Variants in PRRG2 observed in about 807,000 individuals in gnomAD.
PRRG2 encodes the protein proline rich and Gla domain 2, also known as transmembrane gamma-carboxyglutamic acid protein 2.
PRRG2 carries 23 observed loss-of-function variants against 27.1 expected under a neutral mutation model. That is an observed-to-expected ratio of 0.85 (90% CI 0.61 to 1.20). PRRG2 has a LOEUF of 1.20. PRRG2 is among the 50% of genes most tolerant of loss of function. The pLI is 0.00. For missense variants in PRRG2, 276 were observed against 254.8 expected, an observed-to-expected ratio of 1.08 and a Z score of -0.57; for synonymous variants, 104 against 103.4, an observed-to-expected ratio of 1.01 and a Z score of -0.03.
At chr19:49,584,208 T>G (rs564274514) in intron 4 of PRRG2, among the ~76,000 whole-genome samples, 118 of 151,598 alleles carry the variant, frequency 7.8e-4, no homozygotes, top group African/African-American at 2.8e-3. Context: ...TCTCGCTCTG[T>G]TGCCCAGGCC....
chr19:49,586,028 C>T (rs2080666203), intron 4 of PRRG2, among the ~76,000 whole-genome samples: 1 of 128,768 alleles, frequency 7.8e-6, no homozygotes, highest in Non-Finnish European at 1.6e-5. Flanking sequence ...TGCAGTGAGC[C>T]AAGATCACAC....
Position 49,590,628 on chromosome 19 carries a change from C to G in PRRG2, c.*239C>G. On this transcript the variant is annotated 3_prime_UTR_variant, in exon 7 of 7. Transcript: ENST00000246794. ...TCACGGGCCCCCACACTCTCCTGACCGTGAGGGCACTGGTCAGTTCCGCCC... is the reference window on the plus strand; with the variant it reads ...TCACGGGCCCCCACACTCTCCTGACGGTGAGGGCACTGGTCAGTTCCGCCC... The G allele has an allele frequency of 5.1e-6, 3 of 590,802 alleles. No individual in the cohort carries two copies. Among genetic ancestry groups the G allele is most frequent in the Non-Finnish European group, 8.9e-6 (3 of 336,910 alleles). 36.6% of individuals were successfully genotyped at this position (590,802 alleles called of 1,614,324 possible). A position where few individuals can be genotyped will look rare whatever the true frequency, so the allele number is the denominator to read the frequency against.
In PRRG2 at chr19:49,581,652, C is replaced by T. The variant is rs1346822689; in HGVS notation, c.-14+171C>T. ...ACTAATCCCCTGCCTCTGCCTCTCTCGTAATCTTTGTTGTCTGTGGGTGGA... is the reference window on the plus strand; with the variant it reads ...ACTAATCCCCTGCCTCTGCCTCTCTTGTAATCTTTGTTGTCTGTGGGTGGA... On this transcript the variant is annotated intron_variant, in intron 1 of 6. Transcript: ENST00000246794. 2.0e-5 allele frequency among the ~76,000 whole-genome samples: 3 copies of T among 152,060 alleles called. No individual in the cohort carries two copies. The East Asian group carries it at 5.8e-4, about 29-fold the overall frequency.
Position 49,583,964 on chromosome 19 carries a change from GC to G in PRRG2, c.301+13del. Reference sequence around the variant, plus strand: ...CAATGGCAAAGGAGGTGAGTGAGGGGCTGAAGCCATCTTGTTCTGTGCAGCT... The same window carrying G: ...CAATGGCAAAGGAGGTGAGTGAGGGGTGAAGCCATCTTGTTCTGTGCAGCT... On this transcript the variant is annotated intron_variant, in intron 4 of 6. Coordinates refer to ENST00000246794, the MANE Select transcript of PRRG2 (RefSeq NM_000951.3). The G allele has an allele frequency of 6.2e-7, 1 of 1,611,886 alleles. No homozygotes were observed. Among genetic ancestry groups the G allele is most frequent in the Non-Finnish European group, 8.5e-7 (1 of 1,178,684 alleles).
Position 49,590,063 on chromosome 19 carries a change from TGGCTTCTGCCCGGGGGCGG to T in PRRG2, c.590+15_590+33del. 2 of 1,462,326 alleles carry T rather than the reference TGGCTTCTGCCCGGGGGCGG, an allele frequency of 1.4e-6. No homozygotes were observed. The highest frequency in any genetic ancestry group is 2.6e-5 in the South Asian group (2 of 76,680). The allele number at this position is 1,462,326 out of a possible 1,614,324, so 90.6% of individuals were successfully genotyped here. A position where few individuals can be genotyped will look rare whatever the true frequency, so the allele number is the denominator to read the frequency against. On this transcript the variant is annotated intron_variant, in intron 6 of 6. Transcript: ENST00000246794. ...ACCCCCCTACACCAGGTATGGGGCGTGGCTTCTGCCCGGGGGCGGGGCGCAGAGGGGTGGGCACGTTGGA... is the reference window on the plus strand; with the variant it reads ...ACCCCCCTACACCAGGTATGGGGCGTGGCGCAGAGGGGTGGGCACGTTGGA...
intron 5 of PRRG2, 104 bp downstream of exon 5, chr19:49,588,736 T>C: frequency 1.5e-6 from 2 of 1,349,194 alleles, no homozygotes; most frequent in South Asian, 1.6e-5. Context: ...CAGGCACTGA[T>C]GAAAGACCTA....
At chr19:49,585,152 C>T (rs903945760) in intron 4 of PRRG2, among the ~76,000 whole-genome samples, 1 of 152,206 alleles carries the variant, frequency 6.6e-6, no homozygotes, top group African/African-American at 2.4e-5. Context: ...TCCCCTCCCC[C>T]ACAGCCCCAT....
In PRRG2 at chr19:49,590,446, C is replaced by T. The variant is rs564264244; in HGVS notation, c.*57C>T. On this transcript the variant is annotated 3_prime_UTR_variant, in exon 7 of 7. Transcript: ENST00000246794. Reference sequence around the variant, plus strand: ...CGTGCCCCTGATTCATACCGGATTCCGGAAGCCGCTAGGCCTCATAGACGC... The same window carrying T: ...CGTGCCCCTGATTCATACCGGATTCTGGAAGCCGCTAGGCCTCATAGACGC... The T allele has an allele frequency of 1.6e-5, 26 of 1,611,506 alleles. No individual in the cohort carries two copies. The East Asian group carries it at 4.7e-4, about 29-fold the overall frequency.
rs1338764503 is a variant in PRRG2 at position 49,583,269 on chromosome 19, G to C, written c.50G>C (p.Cys17Ser). 6.2e-7 allele frequency: 1 copy of C among 1,614,190 alleles called. No individual in the cohort carries two copies. Among genetic ancestry groups the C allele is most frequent in the Admixed American group, 1.7e-5 (1 of 60,020 alleles). ...CTGCTATATATGGCATTAACCACCT[G>C]CCTGGATACTTCACCCAGTGAGGAG... ...LLLLYMALTTCLDTSPSEETD... is the reference protein window; with the variant it reads ...LLLLYMALTTSLDTSPSEETD... Residue 17 changes from cysteine to serine, a missense_variant, in exon 2 of 7, where the codon TGC (cysteine) becomes TCC (serine). Transcript: ENST00000246794.
chr19:49,589,426 CTTTT>C (rs398059803), intron 5 of PRRG2, among the ~76,000 whole-genome samples: 34 of 132,354 alleles, frequency 2.6e-4, no homozygotes, highest in Middle Eastern at 3.8e-3. Context: ...ACGCCTGGCC[CTTTT>C]TTTTTTTTTT....
rs142455549 is a variant in PRRG2 at position 49,583,674 on chromosome 19, C to G, written c.218C>G (p.Ser73Cys). ...CGGGAGTGTCTGGAAGAGAGGTGTT[C>G]CTGGGAAGAGGCCAGGGAGTATTTT... is the stretch of plus-strand genomic sequence containing the variant. Reference protein sequence around the residue: ...LERECLEERCSWEEAREYFED... With the variant: ...LERECLEERCCWEEAREYFED... Residue 73 changes from serine (S) to cysteine (C), a missense_variant, in exon 3 of 7, where the codon TCC (serine) becomes TGC (cysteine). Coordinates refer to ENST00000246794, the MANE Select transcript of PRRG2 (RefSeq NM_000951.3). 606 of 1,614,184 alleles carry G rather than the reference C, an allele frequency of 3.8e-4. 5 individuals are homozygous for G. In the East Asian group the frequency reaches 0.013, roughly 33 times the overall value.
intron 5 of PRRG2, 30 bp from the exon 6 acceptor site, chr19:49,589,870 C>T (rs776008457): frequency 9.3e-6 from 15 of 1,611,918 alleles, no homozygotes; most frequent in Admixed American, 1.7e-5. Context: ...TGTAAGTTGC[C>T]TCTGCTAACT....
chr19:49,588,655 G>T (rs753901425), intron 5 of PRRG2, 23 bp downstream of exon 5: 16 of 1,517,328 alleles, frequency 1.1e-5, no homozygotes, highest in African/African-American at 2.8e-5. Flanking sequence ...CAGCGAGGAG[G>T]GGGTGGTGGT....
At chr19:49,589,693 CCTGT>C (rs778944599) in intron 5 of PRRG2, among the ~76,000 whole-genome samples, 8 of 151,774 alleles carry the variant, frequency 5.3e-5, no homozygotes, top group Non-Finnish European at 8.8e-5. Flanking sequence ...TCTGTGTCTA[CCTGT>C]CTGTGTGCAG....
At chr19:49,590,167 C>A in intron 6 of PRRG2, 115 bp downstream of exon 6, 3 of 1,276,152 alleles carry the variant, frequency 2.4e-6, no homozygotes, top group South Asian at 1.5e-5. Flanking sequence ...TGGGGCGGGG[C>A]TTGGAGTGCG....
At chr19:49,585,146 C>T (rs2080659771) in intron 4 of PRRG2, among the ~76,000 whole-genome samples, 2 of 152,188 alleles carry the variant, frequency 1.3e-5, no homozygotes, top group Admixed American at 1.3e-4. Context: ...CTGATTTCCC[C>T]TCCCCCACAG....
chr19:49,590,038 A>G lies in PRRG2; in HGVS notation c.576A>G (p.Pro192=), dbSNP rs1343921618. The change falls in exon 6 of 7, where the codon CCA becomes CCG. Residue 192 remains proline, a synonymous_variant. Coordinates refer to ENST00000246794, the MANE Select transcript of PRRG2 (RefSeq NM_000951.3). Reference sequence around the variant, plus strand: ...CCTCTGGGGTACACGACGCACCTCCACCCCCCTACACCAGGTATGGGGCGT... The same window carrying G: ...CCTCTGGGGTACACGACGCACCTCCGCCCCCCTACACCAGGTATGGGGCGT... The part of the protein sequence containing the change: ...LAASGVHDAP[P]PPYTSLRRPH 1 of 1,490,468 alleles carries G rather than the reference A, an allele frequency of 6.7e-7. No individual in the cohort carries two copies. The highest frequency in any genetic ancestry group is 2.1e-5 in the Admixed American group (1 of 48,388). The allele number at this position is 1,490,468 out of a possible 1,614,324, so 92.3% of individuals were successfully genotyped here.
rs763219956 is a variant in PRRG2 at position 49,583,903 on chromosome 19, C to T, written c.262-10C>T. On this transcript the variant is annotated splice_polypyrimidine_tract_variant and intron_variant, in intron 3 of 6. Coordinates refer to ENST00000246794, the MANE Select transcript of PRRG2 (RefSeq NM_000951.3). ...TTTTTCCCCTTCTTTTCCACTCCTTCCCCCTCAAGGAGCGCTTTTGGGAGA... is the reference window on the plus strand; with the variant it reads ...TTTTTCCCCTTCTTTTCCACTCCTTTCCCCTCAAGGAGCGCTTTTGGGAGA... 3.1e-6 allele frequency: 5 copies of T among 1,613,758 alleles called. No homozygotes were observed. Among genetic ancestry groups the T allele is most frequent in the Non-Finnish European group, 3.4e-6 (4 of 1,179,674 alleles).
At position 49,582,664 on chromosome 19, in the gene PRRG2, G is replaced by C. The variant is rs142833554; in HGVS notation, c.-13-543G>C. Among the ~76,000 whole-genome samples, 1,224 of 151,912 alleles carry C rather than the reference G, an allele frequency of 8.1e-3. 10 individuals carry two copies. Among genetic ancestry groups the C allele is most frequent in the Middle Eastern group, 0.014 (4 of 294 alleles). ...GGGCAGATCACGAGGTCAGGAGATC[G>C]AGACCATCCTGACTAACACAGTGAA... On this transcript the variant is annotated intron_variant, in intron 1 of 6. Transcript: ENST00000246794.
Sources: gnomAD v4.1 joint callset for allele counts (sites outside exome capture counted in the v4.1 genomes callset) on GRCh38, gnomAD v4.1.1 for gene constraint, MANE v1.5 for transcripts, NCBI Gene and HGNC (gene_info 2026-07-23, HGNC 2026-07-21) for gene names.